The following MARCHF1 variants were observed in gnomAD, a reference collection of about 807,000 sequenced individuals.
The protein encoded by MARCHF1 is E3 ubiquitin-protein ligase MARCHF1.
In MARCHF1, 40 loss-of-function variants were observed where a neutral mutation model predicts 54.2. That is an observed-to-expected ratio of 0.74 (90% CI 0.57 to 0.96). The LOEUF is 0.96. Among genes scored for constraint, MARCHF1 ranks in the 40% least tolerant of loss-of-function variants. The pLI, the probability that MARCHF1 is intolerant of heterozygous loss-of-function variation, is 0.00. For missense variants in MARCHF1, 586 were observed against 656.5 expected, an observed-to-expected ratio of 0.89 and a Z score of 1.17; for synonymous variants, 236 against 236.3, an observed-to-expected ratio of 1.00 and a Z score of 0.01.
At chr4:163,567,378 A>G (rs1229869319) in intron 8 of MARCHF1, among the ~76,000 whole-genome samples, 1 of 152,200 alleles carries the variant, frequency 6.6e-6, no homozygotes. Context: ...GCAGTCCTGC[A>G]CTGGCTGTGT....
At chr4:163,806,563 C>T (rs1235829042) in intron 4 of MARCHF1, among the ~76,000 whole-genome samples, 1 of 152,168 alleles carries the variant, frequency 6.6e-6, no homozygotes, top group Non-Finnish European at 1.5e-5. Context: ...GTAAACCATG[C>T]TGTGACAACT....
intron 2 of MARCHF1, among the ~76,000 whole-genome samples, chr4:164,069,952 G>A (rs192619453): frequency 1.9e-4 from 29 of 152,220 alleles, no homozygotes; most frequent in African/African-American, 4.3e-4. Context: ...GAATAAAATC[G>A]TATCCTTTGC....
At chr4:163,769,316 A>G (rs1428791756) in intron 4 of MARCHF1, among the ~76,000 whole-genome samples, 2 of 152,172 alleles carry the variant, frequency 1.3e-5, no homozygotes, top group Non-Finnish European at 2.9e-5. Context: ...TCACTTAGCT[A>G]TATGTATCTA....
At chr4:163,867,325 T>C (rs1278362877) in intron 3 of MARCHF1, among the ~76,000 whole-genome samples, 1 of 151,978 alleles carries the variant, frequency 6.6e-6, no homozygotes, top group Admixed American at 6.6e-5. Context: ...TATCAGTTAT[T>C]CTTGCCATCT....
At chr4:163,653,501 G>A (rs569760269) in intron 5 of MARCHF1, among the ~76,000 whole-genome samples, 1 of 151,736 alleles carries the variant, frequency 6.6e-6, no homozygotes, top group Non-Finnish European at 1.5e-5. Context: ...TAGTTATCAG[G>A]TTACGGTAAC....
In MARCHF1 at chr4:163,729,359, T is replaced by C. The variant is rs1745761970; in HGVS notation, c.112-28496A>G. ...TGGAAGAGATTGTACAGAATTCTTA[T>C]AATTTCTTTTTAAATGTACAGTTCA... On this transcript the variant is annotated intron_variant, in intron 4 of 9. Transcript: ENST00000514618. 2.6e-5 allele frequency among the ~76,000 whole-genome samples: 4 copies of C among 152,236 alleles called. No homozygotes were observed. The South Asian group carries it at 8.3e-4, about 32-fold the overall frequency.
intron 3 of MARCHF1, among the ~76,000 whole-genome samples, chr4:163,911,418 G>T (rs147084627): frequency 6.6e-6 from 1 of 152,114 alleles, no homozygotes; most frequent in Non-Finnish European, 1.5e-5. Flanking sequence ...CCTGAGTTTA[G>T]GTGGGAAGTC....
In MARCHF1 at chr4:163,709,434, T is replaced by C. The variant is rs547919841; in HGVS notation, c.112-8571A>G. Among the ~76,000 whole-genome samples the C allele has an allele frequency of 2.8e-4, 43 of 152,222 alleles. No individual in the cohort carries two copies. In the South Asian group the frequency reaches 8.5e-3, roughly 30 times the overall value. ...CTAATTTTAAAAAATAAAAAGAAAT[T>C]AAATTTTAAAAGTTTACTTGTTTTT... On this transcript the variant is annotated intron_variant, in intron 4 of 9. Transcript: ENST00000514618.
chr4:164,083,784 C>T (rs999624353), intron 2 of MARCHF1, among the ~76,000 whole-genome samples: 1 of 152,010 alleles, frequency 6.6e-6, no homozygotes, highest in African/African-American at 2.4e-5. Context: ...TTCCACACTT[C>T]ACAGAAGAAT....
intron 7 of MARCHF1, among the ~76,000 whole-genome samples, chr4:163,604,178 A>G (rs1373982472): frequency 6.6e-6 from 1 of 152,088 alleles, no homozygotes; most frequent in Admixed American, 6.6e-5. Flanking sequence ...CCTCGTCTTC[A>G]TCTAAATCAA....
chr4:163,981,587 T>C (rs977228536), intron 3 of MARCHF1, among the ~76,000 whole-genome samples: 2 of 152,152 alleles, frequency 1.3e-5, no homozygotes, highest in South Asian at 4.1e-4. Context: ...CAGGGTGATA[T>C]TCCTGGGAAT....
intron 1 of MARCHF1, among the ~76,000 whole-genome samples, chr4:164,216,239 CATGAGT>C (rs1731926343): frequency 6.6e-6 from 1 of 152,174 alleles, no homozygotes; most frequent in African/African-American, 2.4e-5. Flanking sequence ...AAGAAAACAC[CATGAGT>C]ATAAGTGCTG....
At chr4:163,809,400 A>G (rs1748321397) in intron 4 of MARCHF1, among the ~76,000 whole-genome samples, 1 of 152,178 alleles carries the variant, frequency 6.6e-6, no homozygotes, top group African/African-American at 2.4e-5. Flanking sequence ...GGCATCTATA[A>G]TATTTCACAC....
intron 4 of MARCHF1, among the ~76,000 whole-genome samples, chr4:163,827,971 C>T (rs1333279351): frequency 1.3e-5 from 2 of 150,914 alleles, no homozygotes; most frequent in Non-Finnish European, 2.9e-5. Flanking sequence ...TTTAAGATGA[C>T]GGACAGATAT....
At chr4:163,542,829 A>G (rs1738763973) in intron 9 of MARCHF1, among the ~76,000 whole-genome samples, 1 of 152,236 alleles carries the variant, frequency 6.6e-6, no homozygotes, top group Admixed American at 6.5e-5. Context: ...TGTGCTAGGA[A>G]TAACGATCCT....
intron 1 of MARCHF1, among the ~76,000 whole-genome samples, chr4:164,176,093 C>T (rs779675560): frequency 2.4e-4 from 36 of 152,218 alleles, no homozygotes; most frequent in Admixed American, 1.2e-3. Context: ...AAACTCAACA[C>T]CTAAACGTTT....
chr4:164,195,039 G>T (rs777101842), intron 1 of MARCHF1, among the ~76,000 whole-genome samples: 11 of 150,188 alleles, frequency 7.3e-5, no homozygotes, highest in African/African-American at 2.7e-4. Context: ...TTTTCAACTC[G>T]CACTCATGAG....
intron 1 of MARCHF1, among the ~76,000 whole-genome samples, chr4:164,259,177 C>T (rs538668747): frequency 7.2e-5 from 11 of 152,008 alleles, no homozygotes; most frequent in African/African-American, 1.9e-4. Flanking sequence ...CATACTCCTC[C>T]GAAATTCATT....
At chr4:163,696,127 T>C (rs1382119636) in intron 5 of MARCHF1, among the ~76,000 whole-genome samples, 1 of 152,116 alleles carries the variant, frequency 6.6e-6, no homozygotes, top group East Asian at 1.9e-4. Context: ...TGTAACTGTC[T>C]TATATTTACT....
Sources: allele counts gnomAD v4.1 joint callset (sites outside exome capture counted in the v4.1 genomes callset), GRCh38; gene constraint gnomAD v4.1.1; transcripts MANE v1.5; gene names NCBI Gene and HGNC (gene_info 2026-07-23, HGNC 2026-07-21).